The following SLC38A6 variants were observed in gnomAD, a reference collection of about 807,000 sequenced individuals.
SLC38A6 encodes N system amino acid transporter NAT-1.
A neutral mutation model predicts 65.0 loss-of-function variants in SLC38A6; 73 were observed. The observed-to-expected ratio is 1.12, with a 90% CI of 0.93 to 1.37. The LOEUF is 1.37. SLC38A6 is among the 40% of genes most tolerant of loss of function. SLC38A6 has a pLI of 0.00. For missense variants in SLC38A6, 561 were observed against 531.1 expected (o/e 1.06, Z -0.55); for synonymous variants, 183 against 178.8 (o/e 1.02, Z -0.19).
rs766165664 is a variant in SLC38A6 at position 60,981,378 on chromosome 14, G to A, written c.101G>A (p.Ser34Asn). 6.3e-7 allele frequency: 1 copy of A among 1,597,386 alleles called. No homozygotes were observed. The highest frequency in any genetic ancestry group is 8.5e-7 in the Non-Finnish European group (1 of 1,172,102). Residue 34 changes from serine (S) to asparagine (N), a missense_variant, in exon 1 of 16, where the codon AGC (serine) becomes AAC (asparagine). Coordinates refer to ENST00000267488, the MANE Select transcript of SLC38A6 (RefSeq NM_153811.3). ...AEAEELSPLL[S>N]NELHRQRSPG... ...GCCGAAGAGTTGAGTCCGTTGCTAA[G>A]CAACGTAAGTGGGCTGTGTTCGCTT...
At chr14:61,000,085 A>G (rs1438102246) in intron 3 of SLC38A6, among the ~76,000 whole-genome samples, 2 of 152,226 alleles carry the variant, frequency 1.3e-5, no homozygotes, top group African/African-American at 4.8e-5. Flanking sequence ...AATTTTTTGC[A>G]AAGTTCCAAA....
At position 60,984,710 on chromosome 14, in the gene SLC38A6, G is replaced by A; in HGVS notation, c.237-20G>A. On this transcript the variant is annotated intron_variant, in intron 2 of 15. Coordinates refer to ENST00000267488, the MANE Select transcript of SLC38A6 (RefSeq NM_153811.3). ...ACAAACTTTTGGGAGGTTTTGACCA[G>A]GTGTTCTTTTATGTTTTAGCTTCTT... 1 of 1,613,306 alleles carries A rather than the reference G, an allele frequency of 6.2e-7. No homozygotes were observed. Among genetic ancestry groups the A allele is most frequent in the Middle Eastern group, 1.7e-4 (1 of 6,056 alleles).
intron 3 of SLC38A6, among the ~76,000 whole-genome samples, chr14:60,994,344 G>A (rs140055793): frequency 1.9e-3 from 287 of 150,410 alleles, no homozygotes; most frequent in African/African-American, 6.6e-3. Flanking sequence ...TTGGGAGATC[G>A]AGACCAACCT....
chr14:61,066,326 C>G (rs936685485), intron 15 of SLC38A6, among the ~76,000 whole-genome samples: 1 of 152,066 alleles, frequency 6.6e-6, no homozygotes, highest in Admixed American at 6.6e-5. Flanking sequence ...CCTAAACAAT[C>G]TGATAAATGT....
chr14:61,003,458 A>G (rs1478621394), intron 3 of SLC38A6, among the ~76,000 whole-genome samples: 1 of 152,148 alleles, frequency 6.6e-6, no homozygotes, highest in Non-Finnish European at 1.5e-5. Context: ...GTATCTTTGC[A>G]TATAATGATT....
rs7151861 is a variant in SLC38A6, at chr14:61,077,727, T to C, written c.1291-1083T>C. Among the ~76,000 whole-genome samples, 1,443 of 152,220 alleles carry C rather than the reference T, an allele frequency of 9.5e-3. 18 individuals carry two copies. The highest frequency in any genetic ancestry group is 0.029 in the East Asian group (148 of 5,186). On this transcript the variant is annotated intron_variant, in intron 15 of 16. Coordinates refer to the SLC38A6 transcript ENST00000354886. ...TCATGAGACTACATAAATAGACTTG[T>C]ATTCATACATTTTAATTTCAGTGTA...
At chr14:60,987,705 A>G (rs548262584) in intron 3 of SLC38A6, 11 of 152,366 alleles carry the variant, frequency 7.2e-5, no homozygotes, top group Admixed American at 6.5e-4. Flanking sequence ...GTTCGTTGCC[A>G]TTCTTTTGGA....
In SLC38A6 at chr14:61,027,052, A is replaced by G. The variant is rs1594642044; in HGVS notation, c.404-3393A>G. Reference sequence around the variant, plus strand: ...TTGCAACTTGCTATTACCTAATCAGATTTTACCCCATTTTAGTCACTTTTT... The same window carrying G: ...TTGCAACTTGCTATTACCTAATCAGGTTTTACCCCATTTTAGTCACTTTTT... On this transcript the variant is annotated intron_variant, in intron 5 of 15. Coordinates refer to ENST00000267488, the MANE Select transcript of SLC38A6 (RefSeq NM_153811.3). Among the ~76,000 whole-genome samples the G allele has an allele frequency of 1.3e-5, 2 of 152,142 alleles. 1 individual carries two copies. The highest frequency in any genetic ancestry group is 2.9e-5 in the Non-Finnish European group (2 of 67,972).
chr14:61,051,436 T>C (rs1170026427), intron 13 of SLC38A6, among the ~76,000 whole-genome samples: 1 of 152,214 alleles, frequency 6.6e-6, no homozygotes. Flanking sequence ...TCTTTTTCTA[T>C]TATAAATTGT....
At position 61,037,611 on chromosome 14, in the gene SLC38A6, C is replaced by G. The variant is rs369238926; in HGVS notation, c.566-14C>G. 5 of 1,561,198 alleles carry G rather than the reference C, an allele frequency of 3.2e-6. No homozygotes were observed. The African/African-American group carries it at 6.8e-5, about 21-fold the overall frequency. ...TCCTTATAAATTGCTTTTTATTTTA[C>G]TGTTATTTTACAGGCTTTCTTGGCT... is the stretch of plus-strand genomic sequence containing the variant. On this transcript the variant is annotated splice_polypyrimidine_tract_variant and intron_variant, in intron 7 of 15. Coordinates refer to ENST00000267488, the MANE Select transcript of SLC38A6 (RefSeq NM_153811.3).
intron 1 of SLC38A6, chr14:60,982,114 G>A (rs1323001664): frequency 6.5e-6 from 3 of 458,040 alleles, no homozygotes; most frequent in African/African-American, 6.0e-5. Context: ...AGTAATTGAG[G>A]AGAAACAACT....
chr14:61,009,068 CAA>C, intron 3 of SLC38A6, among the ~76,000 whole-genome samples: 1 of 152,148 alleles, frequency 6.6e-6, no homozygotes, highest in East Asian at 1.9e-4. Flanking sequence ...CATAAGCGTT[CAA>C]AAGTTTTCCA....
At chr14:61,001,328 T>G (rs2038696212) in intron 3 of SLC38A6, among the ~76,000 whole-genome samples, 1 of 152,214 alleles carries the variant, frequency 6.6e-6, no homozygotes, top group African/African-American at 2.4e-5. Context: ...CAACATTATG[T>G]GTGTGCTCCC....
intron 15 of SLC38A6, chr14:61,073,991 C>G (rs1201007178): frequency 1.3e-5 from 2 of 152,052 alleles, no homozygotes; most frequent in African/African-American, 4.8e-5. Flanking sequence ...ATTTTTGTTT[C>G]TCTAGCTTAC....
chr14:61,007,706 T>TTTCTTCAATCTCATGCCTCA (rs11274436), intron 3 of SLC38A6, among the ~76,000 whole-genome samples: 1 of 152,014 alleles, frequency 6.6e-6, no homozygotes, highest in Non-Finnish European at 1.5e-5. Context: ...AACACCGATA[T>TTTCTTCAATCTCATGCCTCA]AAGTGACATA....
chr14:61,015,452 A>G (rs1037353510), intron 3 of SLC38A6, among the ~76,000 whole-genome samples: 2 of 152,182 alleles, frequency 1.3e-5, no homozygotes, highest in African/African-American at 2.4e-5. Context: ...AAATGCAGAA[A>G]TCACCCATCT....
chr14:61,030,337 C>G (rs1257737607), intron 5 of SLC38A6, 108 bp from the exon 6 acceptor site: 1 of 646,518 alleles, frequency 1.5e-6, no homozygotes, highest in Non-Finnish European at 2.6e-6. Context: ...TGTTAATCTT[C>G]CATATGTTGT....
intron 2 of SLC38A6, among the ~76,000 whole-genome samples, 196 bp from the exon 3 acceptor site, chr14:60,984,534 A>C (rs1187016027): frequency 2.0e-5 from 3 of 152,016 alleles, no homozygotes; most frequent in South Asian, 2.1e-4. Flanking sequence ...AAATCAGTAT[A>C]TTTTCATTTA....
intron 15 of SLC38A6, among the ~76,000 whole-genome samples, chr14:61,077,403 C>T (rs911211917): frequency 1.3e-5 from 2 of 152,176 alleles, no homozygotes; most frequent in African/African-American, 4.8e-5. Context: ...CCAGTCATTA[C>T]TAATCCTAAC....
Sources: allele counts gnomAD v4.1 joint callset (sites outside exome capture counted in the v4.1 genomes callset), GRCh38; gene constraint gnomAD v4.1.1; transcripts MANE v1.5; gene names NCBI Gene and HGNC (gene_info 2026-07-23, HGNC 2026-07-21).